Variants in NPAS3 observed in about 807,000 individuals in gnomAD.
The protein encoded by NPAS3 is neuronal PAS domain protein 3.
NPAS3 carries 14 observed loss-of-function variants against 73.1 expected under a neutral mutation model. That is an observed-to-expected ratio of 0.19 (90% CI 0.13 to 0.30). NPAS3 has a LOEUF of 0.30. Ranked by LOEUF, NPAS3 falls within the 10% of genes least tolerant of loss-of-function variation. The pLI is 1.00. For synonymous variants in NPAS3, 620 were observed against 541.5 expected, an observed-to-expected ratio of 1.14 and a Z score of -2.01; for missense variants, 1,096 against 1,250.0, an observed-to-expected ratio of 0.88 and a Z score of 1.86.
At chr14:33,794,120 C>T in intron 10 of NPAS3, 76 bp downstream of exon 10, 1 of 1,298,956 alleles carries the variant, frequency 7.7e-7, no homozygotes, top group South Asian at 1.3e-5. Context: ...TGGTTAATAG[C>T]CGACATGTTG....
intron 4 of NPAS3, among the ~76,000 whole-genome samples, chr14:33,387,288 G>C (rs901828953): frequency 9.9e-5 from 15 of 152,146 alleles, no homozygotes; most frequent in Admixed American, 3.9e-4. Context: ...AGGCAGCTTG[G>C]GTATTCGAGG....
intron 7 of NPAS3, among the ~76,000 whole-genome samples, chr14:33,748,714 C>A (rs1595546778): frequency 6.6e-6 from 1 of 152,176 alleles, no homozygotes; most frequent in Non-Finnish European, 1.5e-5. Context: ...GAAAACAAAG[C>A]GAACAATTGA....
At chr14:32,972,521 C>T (rs2037479007) in intron 1 of NPAS3, among the ~76,000 whole-genome samples, 1 of 152,150 alleles carries the variant, frequency 6.6e-6, no homozygotes, top group African/African-American at 2.4e-5. Context: ...AACTAAATTC[C>T]TTGAAATCAC....
intron 2 of NPAS3, among the ~76,000 whole-genome samples, chr14:33,145,355 A>G (rs964563367): frequency 6.6e-6 from 1 of 152,232 alleles, no homozygotes; most frequent in Non-Finnish European, 1.5e-5. Context: ...AAGGAAAGTT[A>G]GAAAGTTACA....
intron 2 of NPAS3, among the ~76,000 whole-genome samples, chr14:33,059,398 C>T (rs939028532): frequency 4.6e-5 from 7 of 152,136 alleles, no homozygotes; most frequent in African/African-American, 1.7e-4. Context: ...GTTACTCTAA[C>T]TTCTGTTAAA....
chr14:33,306,822 G>T (rs554616074), intron 3 of NPAS3, among the ~76,000 whole-genome samples: 1 of 152,126 alleles, frequency 6.6e-6, no homozygotes, highest in Non-Finnish European at 1.5e-5. Context: ...CCCTCATTCT[G>T]ATTTGGCAAA....
intron 4 of NPAS3, among the ~76,000 whole-genome samples, chr14:33,553,889 C>T (rs1023530406): frequency 2.0e-5 from 3 of 152,176 alleles, no homozygotes; most frequent in East Asian, 1.9e-4. Flanking sequence ...TCCTTGAAGT[C>T]GCTTGGAGTC....
At chr14:33,237,018 TTA>T (rs992468181) in intron 3 of NPAS3, among the ~76,000 whole-genome samples, 1 of 152,122 alleles carries the variant, frequency 6.6e-6, no homozygotes, top group African/African-American at 2.4e-5. Flanking sequence ...AGATTTTTGT[TTA>T]TGTTTTCAGT....
chr14:33,412,060 A>G (rs889856222), intron 4 of NPAS3, among the ~76,000 whole-genome samples: 2 of 152,166 alleles, frequency 1.3e-5, no homozygotes, highest in Non-Finnish European at 2.9e-5. Context: ...CATGTTTTTA[A>G]TCATAGCAGA....
intron 3 of NPAS3, among the ~76,000 whole-genome samples, chr14:33,225,057 C>T (rs2047576323): frequency 6.6e-6 from 1 of 152,168 alleles, no homozygotes; most frequent in Non-Finnish European, 1.5e-5. Context: ...TTCCCACTTT[C>T]CTGCCTTTCT....
intron 3 of NPAS3, among the ~76,000 whole-genome samples, chr14:33,322,279 G>A (rs896794367): frequency 4.6e-5 from 7 of 152,170 alleles, no homozygotes; most frequent in Admixed American, 6.6e-5. Context: ...CATTGCCTCC[G>A]TCAGTATCCC....
chr14:33,292,874 A>C (rs1288401479), intron 3 of NPAS3, among the ~76,000 whole-genome samples: 2 of 152,122 alleles, frequency 1.3e-5, no homozygotes, highest in African/African-American at 2.4e-5. Context: ...TTTCAGGGAA[A>C]ATGTCTTGGT....
At chr14:33,731,053 TCC>T (rs1251722658) in intron 6 of NPAS3, among the ~76,000 whole-genome samples, 1 of 152,088 alleles carries the variant, frequency 6.6e-6, no homozygotes, top group Admixed American at 6.6e-5. Flanking sequence ...TTTTTTTTTC[TCC>T]CTCACACATC....
At chr14:33,308,553 CACAT>C (rs1555371875) in intron 3 of NPAS3, among the ~76,000 whole-genome samples, 22 of 113,822 alleles carry the variant, frequency 1.9e-4, no homozygotes, top group South Asian at 7.2e-4. Flanking sequence ...CACACACACA[CACAT>C]ACATACATTA....
chr14:33,104,652 G>A (rs1279332), intron 2 of NPAS3, among the ~76,000 whole-genome samples: 8,899 of 152,214 alleles, frequency 0.058, 675 homozygotes, highest in East Asian at 0.38. Flanking sequence ...CCAGACATGG[G>A]AACATTTAGA....
rs1433482588 is a variant in NPAS3 at position 33,680,491 on chromosome 14, G to A, written c.733+4106G>A. On this transcript the variant is annotated intron_variant, in intron 6 of 11. Transcript: ENST00000356141. ...TGTGTATGTAGGTATGTATGTGTTT[G>A]GTGGGGTTTTTTGTATTTCTTTCTA... 49 of 664,398 alleles carry A rather than the reference G, an allele frequency of 7.4e-5. 1 individual carries two copies. Among genetic ancestry groups the A allele is most frequent in the Non-Finnish European group, 5.4e-6 (2 of 370,568 alleles). 41.2% of individuals were successfully genotyped at this position (664,398 alleles called of 1,614,324 possible). A position where few individuals can be genotyped will look rare whatever the true frequency, so the allele number is the denominator to read the frequency against.
At chr14:33,609,658 C>G (rs2057689547) in intron 5 of NPAS3, among the ~76,000 whole-genome samples, 1 of 151,888 alleles carries the variant, frequency 6.6e-6, no homozygotes, top group Non-Finnish European at 1.5e-5. Flanking sequence ...CAAGTTCATC[C>G]CTAAGATGTA....
At chr14:33,716,819 G>C (rs993725436) in intron 6 of NPAS3, among the ~76,000 whole-genome samples, 1 of 151,902 alleles carries the variant, frequency 6.6e-6, no homozygotes, top group African/African-American at 2.4e-5. Flanking sequence ...GCCCCCACCC[G>C]ACGATGGCTC....
chr14:33,784,750 T>TTATTTTTTTTA (rs1555333514), intron 9 of NPAS3, among the ~76,000 whole-genome samples: 1 of 123,058 alleles, frequency 8.1e-6, no homozygotes, highest in African/African-American at 3.4e-5. Context: ...TATTTATTTT[T>TTATTTTTTTTA]TTTTTTTTTT....
Sources: allele counts gnomAD v4.1 joint callset (sites outside exome capture counted in the v4.1 genomes callset), GRCh38; gene constraint gnomAD v4.1.1; transcripts MANE v1.5; gene names NCBI Gene and HGNC (gene_info 2026-07-23, HGNC 2026-07-21).